Variants in EBF1 observed in about 807,000 individuals in gnomAD.
The protein encoded by EBF1 is EBF transcription factor 1, also known as transcription factor COE1.
A neutral mutation model predicts 68.4 loss-of-function variants in EBF1; 10 were observed. That is an observed-to-expected ratio of 0.15 (90% CI 0.09 to 0.25). The LOEUF (loss-of-function observed/expected upper bound fraction) is 0.25. Ranked by LOEUF, EBF1 falls within the 10% of genes least tolerant of loss-of-function variation. EBF1 has a pLI of 1.00. For synonymous variants in EBF1, 298 were observed against 299.8 expected (o/e 0.99, Z 0.06); for missense variants, 509 against 794.4 (o/e 0.64, Z 4.32).
At chr5:158,771,062 G>A (rs1019101417) in intron 10 of EBF1, among the ~76,000 whole-genome samples, 2 of 152,094 alleles carry the variant, frequency 1.3e-5, no homozygotes, top group African/African-American at 2.4e-5. Flanking sequence ...AAAGGAAGTG[G>A]TAAAATCAGA....
chr5:159,076,476 G>T (rs764030625), intron 5 of EBF1, among the ~76,000 whole-genome samples: 1 of 152,110 alleles, frequency 6.6e-6, no homozygotes, highest in Non-Finnish European at 1.5e-5. Context: ...CCTGAGAGCA[G>T]CCAGATGAAT....
intron 6 of EBF1, among the ~76,000 whole-genome samples, chr5:158,888,899 G>T (rs1009085724): frequency 3.3e-5 from 5 of 151,920 alleles, no homozygotes; most frequent in African/African-American, 1.2e-4. Flanking sequence ...CCCTGTCATA[G>T]ATGTGTCCTC....
chr5:159,058,053 A>G (rs978350987), intron 6 of EBF1, among the ~76,000 whole-genome samples: 5 of 152,194 alleles, frequency 3.3e-5, no homozygotes, highest in Non-Finnish European at 1.5e-5. Context: ...AGCTAAAGGG[A>G]TGAGATTCTG....
intron 5 of EBF1, among the ~76,000 whole-genome samples, chr5:159,074,859 T>C (rs140701079): frequency 3.7e-4 from 57 of 152,350 alleles, no homozygotes; most frequent in African/African-American, 1.2e-3. Context: ...GCCTGAGTTC[T>C]GCTATATACT....
chr5:158,779,986 C>A (rs1034599032), intron 9 of EBF1, among the ~76,000 whole-genome samples: 1 of 152,106 alleles, frequency 6.6e-6, no homozygotes. Flanking sequence ...GAATCTGAAT[C>A]ATAATAGAGA....
chr5:158,816,959 G>C (rs987130971), intron 8 of EBF1, among the ~76,000 whole-genome samples: 1 of 151,846 alleles, frequency 6.6e-6, no homozygotes, highest in Non-Finnish European at 1.5e-5. Context: ...AAGTAGGTCT[G>C]AGCAAACTTG....
In EBF1 at chr5:158,713,047, G is replaced by T; in HGVS notation, c.1292C>A (p.Ala431Glu). The T allele has an allele frequency of 6.3e-7, 1 of 1,599,442 alleles. No individual in the cohort carries two copies. The stretch of plus-strand genomic sequence containing the variant: ...GAACGAATTCACGCCCATCATCCCT[G>T]CGTGGACCGAGGTGTTAGCAAGGGC... Reference protein sequence around the residue: ...LPALANTSVHAGMMGVNSFSG... With the variant: ...LPALANTSVHEGMMGVNSFSG... Residue 431 changes from alanine (A) to glutamate (E), a missense_variant, in exon 13 of 16, where the codon GCA (alanine) becomes GAA (glutamate). Transcript: ENST00000313708.
intron 6 of EBF1, among the ~76,000 whole-genome samples, chr5:159,002,759 T>C (rs796170336): frequency 2.2e-4 from 33 of 152,356 alleles, no homozygotes; most frequent in African/African-American, 7.5e-4. Flanking sequence ...ATCTTTAGTA[T>C]ACATAGTCAT....
At chr5:158,734,160 T>C (rs1764692411) in intron 10 of EBF1, among the ~76,000 whole-genome samples, 1 of 152,206 alleles carries the variant, frequency 6.6e-6, no homozygotes, top group Non-Finnish European at 1.5e-5. Flanking sequence ...AAAGAAAATA[T>C]GTCTGTGTAT....
intron 10 of EBF1, among the ~76,000 whole-genome samples, chr5:158,735,487 G>A (rs769481804): frequency 2.6e-5 from 4 of 152,216 alleles, no homozygotes; most frequent in Admixed American, 1.3e-4. Context: ...CATCTGAAAC[G>A]TTCCTGTAAA....
chr5:159,015,766 G>C (rs1765508949), intron 6 of EBF1, among the ~76,000 whole-genome samples: 1 of 152,172 alleles, frequency 6.6e-6, no homozygotes, highest in Non-Finnish European at 1.5e-5. Context: ...CAACCACCTG[G>C]AGTTGTGCTC....
chr5:158,779,562 G>A (rs1413151892), intron 9 of EBF1, among the ~76,000 whole-genome samples: 1 of 152,012 alleles, frequency 6.6e-6, no homozygotes, highest in Non-Finnish European at 1.5e-5. Flanking sequence ...TCAAATAGAA[G>A]GTATGCTTCT....
intron 6 of EBF1, among the ~76,000 whole-genome samples, chr5:158,906,616 C>T (rs1804694378): frequency 1.3e-5 from 2 of 152,194 alleles, no homozygotes; most frequent in Admixed American, 6.5e-5. Flanking sequence ...TTGACACCAC[C>T]TCTGTGAGGC....
chr5:158,819,419 T>C (rs976697653), intron 8 of EBF1, among the ~76,000 whole-genome samples: 1 of 152,174 alleles, frequency 6.6e-6, no homozygotes, highest in South Asian at 2.1e-4. Flanking sequence ...TGCACCACAG[T>C]GTTGTGAGGG....
intron 9 of EBF1, among the ~76,000 whole-genome samples, chr5:158,788,405 C>G (rs1213743209): frequency 6.6e-6 from 1 of 152,106 alleles, no homozygotes; most frequent in Non-Finnish European, 1.5e-5. Context: ...AGAAAAGTTA[C>G]TGCAGGTACA....
chr5:158,996,869 T>G (rs1265089613), intron 6 of EBF1, among the ~76,000 whole-genome samples: 1 of 152,192 alleles, frequency 6.6e-6, no homozygotes, highest in Non-Finnish European at 1.5e-5. Flanking sequence ...TGACAAATAC[T>G]TCTTTATAAC....
chr5:158,822,418 G>A (rs961485528), intron 8 of EBF1, among the ~76,000 whole-genome samples: 11 of 152,102 alleles, frequency 7.2e-5, no homozygotes, highest in South Asian at 2.1e-4. Context: ...AAATTCAGGC[G>A]TGCCCCTAAC....
rs78326333 is a variant in EBF1 at position 159,018,473 on chromosome 5, A to G, written c.554+54923T>C. 3.1e-3 allele frequency among the ~76,000 whole-genome samples: 471 copies of G among 152,334 alleles called. 3 individuals are homozygous for G. Among genetic ancestry groups the G allele is most frequent in the African/African-American group, 0.011 (445 of 41,576 alleles). On this transcript the variant is annotated intron_variant, in intron 6 of 15. Transcript: ENST00000313708. ...AGCCTATTTACATTTTGGGCTCACT[A>G]GGAGGCAGATACACAGTGAGTGTAT...
At chr5:159,043,836 C>A (rs1771757668) in intron 6 of EBF1, among the ~76,000 whole-genome samples, 1 of 152,098 alleles carries the variant, frequency 6.6e-6, no homozygotes, top group African/African-American at 2.4e-5. Flanking sequence ...TTCGGCTCAC[C>A]AAGACACTAC....
Sources: gnomAD v4.1 joint callset for allele counts (sites outside exome capture counted in the v4.1 genomes callset) on GRCh38, gnomAD v4.1.1 for gene constraint, MANE v1.5 for transcripts, NCBI Gene and HGNC (gene_info 2026-07-23, HGNC 2026-07-21) for gene names.